The following DPYD variants were observed in gnomAD, a reference collection of about 807,000 sequenced individuals.
DPYD encodes dihydropyrimidine dehydrogenase.
In DPYD, 109 loss-of-function variants were observed where a neutral mutation model predicts 116.2. The ratio of observed to expected loss-of-function variants is 0.94; its 90% CI spans 0.80 to 1.10. The LOEUF (loss-of-function observed/expected upper bound fraction) is 1.10. DPYD is among the 50% of genes least tolerant of loss of function. The pLI is 0.00. For missense variants in DPYD, 1,302 were observed against 1,254.5 expected, an observed-to-expected ratio of 1.04 and a Z score of -0.57; for synonymous variants, 440 against 432.0, an observed-to-expected ratio of 1.02 and a Z score of -0.23.
At chr1:97,790,301 G>T (rs963155472) in intron 3 of DPYD, among the ~76,000 whole-genome samples, 3 of 152,174 alleles carry the variant, frequency 2.0e-5, no homozygotes, top group Non-Finnish European at 4.4e-5. Flanking sequence ...AAAAGTTGCT[G>T]CTAAAAGAGG....
intron 2 of DPYD, among the ~76,000 whole-genome samples, chr1:97,877,029 G>C (rs1163116529): frequency 6.6e-6 from 1 of 151,970 alleles, no homozygotes; most frequent in Non-Finnish European, 1.5e-5. Flanking sequence ...TATTCTCAGA[G>C]GGCTGACAAA....
intron 2 of DPYD, 68 bp from the exon 3 acceptor site, chr1:97,828,264 G>A (rs1175387611): frequency 1.4e-6 from 2 of 1,430,620 alleles, no homozygotes; most frequent in Admixed American, 1.7e-5. Context: ...ATGCAGTTAT[G>A]CAAAAATGTA....
At chr1:97,300,421 T>A (rs920142382) in intron 18 of DPYD, among the ~76,000 whole-genome samples, 1 of 152,056 alleles carries the variant, frequency 6.6e-6, no homozygotes, top group Non-Finnish European at 1.5e-5. Context: ...AATTTATGCA[T>A]CGATAATCAT....
intron 13 of DPYD, among the ~76,000 whole-genome samples, chr1:97,491,438 G>A (rs912333746): frequency 2.6e-5 from 4 of 151,726 alleles, no homozygotes; most frequent in Admixed American, 2.6e-4. Flanking sequence ...ACTAATTTTT[G>A]TATATACTAC....
intron 18 of DPYD, among the ~76,000 whole-genome samples, chr1:97,237,109 C>T (rs1055042800): frequency 2.6e-4 from 40 of 151,802 alleles, no homozygotes; most frequent in African/African-American, 8.2e-4. Flanking sequence ...GACTTGGTGG[C>T]GGGCGCCTGT....
chr1:97,649,883 G>A (rs1181447708), intron 8 of DPYD, among the ~76,000 whole-genome samples: 2 of 152,084 alleles, frequency 1.3e-5, no homozygotes, highest in Non-Finnish European at 2.9e-5. Flanking sequence ...GGATAGATTA[G>A]AATTCAATGT....
At chr1:97,821,046 T>A (rs558339596) in intron 3 of DPYD, among the ~76,000 whole-genome samples, 8 of 152,148 alleles carry the variant, frequency 5.3e-5, no homozygotes, top group Middle Eastern at 3.4e-3. Context: ...CCCATAGCCC[T>A]CTACTGCCTG....
At chr1:97,600,844 T>C (rs889016429) in intron 8 of DPYD, among the ~76,000 whole-genome samples, 3 of 152,160 alleles carry the variant, frequency 2.0e-5, no homozygotes, top group Non-Finnish European at 4.4e-5. Context: ...CATATTTAAG[T>C]GGTCAGTATT....
chr1:97,282,862 C>A (rs945079571), intron 18 of DPYD, among the ~76,000 whole-genome samples: 2 of 152,128 alleles, frequency 1.3e-5, no homozygotes, highest in African/African-American at 4.8e-5. Flanking sequence ...TAATGGCCTC[C>A]AGCTTCATCC....
intron 18 of DPYD, among the ~76,000 whole-genome samples, chr1:97,303,248 CTATT>C (rs1666967853): frequency 6.6e-6 from 1 of 151,990 alleles, no homozygotes; most frequent in South Asian, 2.1e-4. Context: ...AAATTAAACT[CTATT>C]TAGTTTTCAC....
intron 8 of DPYD, among the ~76,000 whole-genome samples, chr1:97,605,994 G>A (rs1043952762): frequency 3.3e-5 from 5 of 151,874 alleles, no homozygotes; most frequent in Non-Finnish European, 7.4e-5. Flanking sequence ...CTTGAGTATT[G>A]GTGATTAAGC....
chr1:97,385,034 G>A (rs1030877851), intron 14 of DPYD, among the ~76,000 whole-genome samples: 1 of 151,780 alleles, frequency 6.6e-6, no homozygotes, highest in Admixed American at 6.6e-5. Context: ...CTTGTTCCAT[G>A]GCCTTTTCCC....
chr1:97,914,960 G>C (rs1359842862), intron 1 of DPYD, among the ~76,000 whole-genome samples: 1 of 151,948 alleles, frequency 6.6e-6, no homozygotes, highest in East Asian at 1.9e-4. Context: ...TTGATTACTA[G>C]AGCAAAAACA....
chr1:97,257,435 G>GTATATATATATATATATA (rs60425146), intron 18 of DPYD, among the ~76,000 whole-genome samples: 4 of 136,126 alleles, frequency 2.9e-5, no homozygotes, highest in African/African-American at 1.2e-4. Context: ...ATATACATAC[G>GTATATATATATATATATA]TATATATATA....
intron 8 of DPYD, among the ~76,000 whole-genome samples, chr1:97,665,224 C>T (rs1450635431): frequency 1.3e-5 from 2 of 152,088 alleles, no homozygotes; most frequent in African/African-American, 4.8e-5. Flanking sequence ...CAAACATGCA[C>T]ACAAAATCCC....
chr1:97,636,008 A>T (rs1657536249), intron 8 of DPYD, among the ~76,000 whole-genome samples: 2 of 151,890 alleles, frequency 1.3e-5, no homozygotes, highest in South Asian at 4.2e-4. Context: ...TATTGTAGAG[A>T]TGGGGTTTCG....
rs979221084 is a variant in DPYD at position 97,194,342 on chromosome 1, C to G, written c.2443-1094G>C. Among the ~76,000 whole-genome samples the G allele has an allele frequency of 3.9e-5, 6 of 152,176 alleles. No homozygotes were observed. The East Asian group carries it at 7.7e-4, about 20-fold the overall frequency. On this transcript the variant is annotated intron_variant, in intron 19 of 22. Coordinates refer to ENST00000370192, the MANE Select transcript of DPYD (RefSeq NM_000110.4). ...TTTTATAAGGGGCTTTTCCCCTTTT[C>G]CTTTGCACTTCTCCTTCCTACCACC...
chr1:97,580,429 G>C (rs1416035598), intron 10 of DPYD, among the ~76,000 whole-genome samples: 1 of 152,122 alleles, frequency 6.6e-6, no homozygotes, highest in Non-Finnish European at 1.5e-5. Flanking sequence ...AGAGCCATGT[G>C]GTAAGAGCAC....
intron 21 of DPYD, among the ~76,000 whole-genome samples, chr1:97,087,951 A>C (rs1392107356): frequency 2.0e-5 from 3 of 152,178 alleles, no homozygotes; most frequent in Non-Finnish European, 4.4e-5. Context: ...ATTTTCTCCA[A>C]ACTCAGATCA....
Sources: allele counts gnomAD v4.1 joint callset (sites outside exome capture counted in the v4.1 genomes callset), GRCh38; gene constraint gnomAD v4.1.1; transcripts MANE v1.5; gene names NCBI Gene and HGNC (gene_info 2026-07-23, HGNC 2026-07-21).